The following PCNX1 variants were observed in gnomAD, a reference collection of about 807,000 sequenced individuals.
PCNX1 encodes pecanex-like protein 1.
A neutral mutation model predicts 242.2 loss-of-function variants in PCNX1; 78 were observed. The observed-to-expected ratio is 0.32, with a 90% CI of 0.27 to 0.39. The LOEUF (loss-of-function observed/expected upper bound fraction) is 0.39, where lower values mean the gene tolerates loss of function less well. PCNX1 is among the 10% of genes least tolerant of loss of function. PCNX1 has a pLI of 1.00. For missense variants in PCNX1, 2,581 were observed against 2,856.5 expected (o/e 0.90, Z 2.20); for synonymous variants, 1,024 against 1,032.9 (o/e 0.99, Z 0.17).
intron 16 of PCNX1, among the ~76,000 whole-genome samples, chr14:71,032,571 AT>A: frequency 1.3e-5 from 2 of 152,340 alleles, no homozygotes; most frequent in South Asian, 4.1e-4. Context: ...TGTCTGTGTT[AT>A]GATGTGAAAC....
At chr14:71,072,719 A>C (rs749548289) in intron 26 of PCNX1, among the ~76,000 whole-genome samples, 11 of 152,270 alleles carry the variant, frequency 7.2e-5, no homozygotes, top group Non-Finnish European at 1.5e-4. Flanking sequence ...TAAGGAATTT[A>C]CAAATTGAGT....
intron 2 of PCNX1, among the ~76,000 whole-genome samples, chr14:70,950,249 A>G (rs1421406641): frequency 1.3e-5 from 2 of 152,084 alleles, no homozygotes; most frequent in Non-Finnish European, 2.9e-5. Flanking sequence ...GAAGGTAATG[A>G]CCTTATTGTT....
intron 28 of PCNX1, among the ~76,000 whole-genome samples, chr14:71,080,821 C>T (rs1353553898): frequency 6.6e-6 from 1 of 152,172 alleles, no homozygotes; most frequent in Non-Finnish European, 1.5e-5. Context: ...GAAACAGAGA[C>T]AATTTGACTT....
At chr14:70,974,771 G>A (rs954574364) in intron 5 of PCNX1, among the ~76,000 whole-genome samples, 3 of 152,128 alleles carry the variant, frequency 2.0e-5, no homozygotes, top group African/African-American at 4.8e-5. Context: ...TATTCTAAAC[G>A]CCACTAATAA....
At chr14:71,032,887 A>C (rs1305238674) in intron 16 of PCNX1, among the ~76,000 whole-genome samples, 1 of 152,240 alleles carries the variant, frequency 6.6e-6, no homozygotes, top group Non-Finnish European at 1.5e-5. Context: ...GGGTATATGC[A>C]GTCATTCATT....
At position 71,068,448 on chromosome 14, in the gene PCNX1, A is replaced by G. The variant is rs1477060786; in HGVS notation, c.4853-5097A>G. On this transcript the variant is annotated intron_variant, in intron 26 of 35. Coordinates refer to ENST00000304743, the MANE Select transcript of PCNX1 (RefSeq NM_014982.3). ...TATATGTATATATGTATGTATATGT[A>G]TATATGTGTATATACATATATATGT... Among the ~76,000 whole-genome samples, 8 of 149,142 alleles carry G rather than the reference A, an allele frequency of 5.4e-5. No homozygotes were observed. The East Asian group carries it at 1.6e-3, about 29-fold the overall frequency.
At chr14:70,967,894 A>G (rs1439648941) in intron 3 of PCNX1, among the ~76,000 whole-genome samples, 1 of 152,098 alleles carries the variant, frequency 6.6e-6, no homozygotes, top group African/African-American at 2.4e-5. Context: ...TATAAAAATG[A>G]TAATTGTATG....
chr14:70,964,768 A>G (rs912961862), intron 3 of PCNX1, among the ~76,000 whole-genome samples: 15 of 152,226 alleles, frequency 9.9e-5, no homozygotes, highest in African/African-American at 3.6e-4. Context: ...GCATGTGTGC[A>G]TGTTGTTAAA....
chr14:70,969,217 A>C (rs774449067), intron 5 of PCNX1, 107 bp downstream of exon 5: 1 of 703,572 alleles, frequency 1.4e-6, no homozygotes, highest in Non-Finnish European at 2.6e-6. Flanking sequence ...ATTTAATATG[A>C]TATTTAAGGA....
chr14:71,004,377 C>T lies in PCNX1; in HGVS notation c.2630-5257C>T, dbSNP rs115157456. ...CACAGCAGGAGGTGAGCAGGGTGTG[C>T]GGAGCGAGCATTTCTGCCTGAGCTC... On this transcript the variant is annotated intron_variant, in intron 8 of 35. Transcript: ENST00000304743. Among the ~76,000 whole-genome samples, 1,268 of 152,326 alleles carry T rather than the reference C, an allele frequency of 8.3e-3. 10 individuals are homozygous for T. The highest frequency in any genetic ancestry group is 0.029 in the African/African-American group (1,194 of 41,556).
At chr14:71,101,780 G>A (rs374686376) in intron 30 of PCNX1, among the ~76,000 whole-genome samples, 1 of 152,154 alleles carries the variant, frequency 6.6e-6, no homozygotes, top group East Asian at 1.9e-4. Context: ...GGAGAGGGTT[G>A]GATTGAGGAA....
intron 26 of PCNX1, among the ~76,000 whole-genome samples, chr14:71,072,839 T>G (rs1390471689): frequency 6.6e-6 from 1 of 152,238 alleles, no homozygotes; most frequent in Non-Finnish European, 1.5e-5. Context: ...GTTTTTGTAT[T>G]TTTACTTCAA....
Position 71,052,009 on chromosome 14 carries a change from A to T in PCNX1, c.4574A>T (p.Tyr1525Phe). Residue 1525 changes from tyrosine (Y) to phenylalanine (F), a missense_variant, in exon 24 of 36, where the codon TAT (tyrosine) becomes TTT (phenylalanine). Tyr to Phe is a conservative substitution (Grantham distance 22). This residue lies in a region of PCNX1 where 99 missense variants were observed against 147.3 expected (regional missense o/e 0.67). Transcript: ENST00000304743. ...VRPVKFWERDYNTKRVDHSNT... is the reference protein window; with the variant it reads ...VRPVKFWERDFNTKRVDHSNT... ...CCTGTGAAATTCTGGGAGAGAGACT[A>T]TAAGTGAGTAAAGTAAAACACTTGA... is the stretch of plus-strand genomic sequence containing the variant. 6.2e-7 allele frequency: 1 copy of T among 1,609,246 alleles called. No individual in the cohort carries two copies. The highest frequency in any genetic ancestry group is 8.5e-7 in the Non-Finnish European group (1 of 1,178,052).
chr14:71,072,684 A>T (rs745983393), intron 26 of PCNX1, among the ~76,000 whole-genome samples: 2 of 152,338 alleles, frequency 1.3e-5, no homozygotes, highest in Non-Finnish European at 2.9e-5. Flanking sequence ...GTTAAGTATG[A>T]TTACTTTATA....
intron 1 of PCNX1, among the ~76,000 whole-genome samples, chr14:70,910,354 C>T (rs930366122): frequency 1.3e-4 from 20 of 151,194 alleles, no homozygotes; most frequent in Admixed American, 6.6e-5. Flanking sequence ...TTATTCTCCA[C>T]ACAGACGCCT....
At chr14:70,993,840 T>G (rs1039005892) in intron 7 of PCNX1, among the ~76,000 whole-genome samples, 1 of 152,232 alleles carries the variant, frequency 6.6e-6, no homozygotes, top group East Asian at 1.9e-4. Context: ...TCCTTTTTGG[T>G]AAGGTTTGTG....
intron 28 of PCNX1, chr14:71,085,877 A>C: frequency 7.8e-6 from 2 of 255,882 alleles, no homozygotes; most frequent in South Asian, 1.2e-4. Flanking sequence ...TTACTCCAAG[A>C]CTCTCCTTCC....
intron 1 of PCNX1, among the ~76,000 whole-genome samples, chr14:70,910,207 G>C (rs191251287): frequency 0.34 from 4,441 of 13,020 alleles, 321 homozygotes; most frequent in Middle Eastern, 0.55. Flanking sequence ...CCTCCTCCTC[G>C]TCCTCCTCCT....
At chr14:70,909,996 C>A (rs1447143679) in intron 1 of PCNX1, among the ~76,000 whole-genome samples, 1 of 144,424 alleles carries the variant, frequency 6.9e-6, no homozygotes, top group African/African-American at 2.6e-5. Context: ...GCAATAGGGG[C>A]TGTATCTTCA....
Sources: gnomAD v4.1 joint callset for allele counts (sites outside exome capture counted in the v4.1 genomes callset) on GRCh38, gnomAD v4.1.1 for gene constraint, gnomAD v4.1.1 regional missense constraint, MANE v1.5 for transcripts, NCBI Gene and HGNC (gene_info 2026-07-23, HGNC 2026-07-21) for gene names.